The following PANK2 variants were observed in gnomAD, a reference collection of about 807,000 sequenced individuals.
PANK2 encodes pantothenate kinase 2, mitochondrial.
Under a neutral mutation model 43.1 loss-of-function variants are expected in PANK2, and 36 were observed. That is an observed-to-expected ratio of 0.84 (90% CI 0.64 to 1.10). The LOEUF (loss-of-function observed/expected upper bound fraction) is 1.10, where lower values mean the gene tolerates loss of function less well. PANK2 is among the 50% of genes least tolerant of loss of function. The pLI is 0.00. For synonymous variants in PANK2, 281 were observed against 238.2 expected, an observed-to-expected ratio of 1.18 and a Z score of -1.66; for missense variants, 576 against 593.3, an observed-to-expected ratio of 0.97 and a Z score of 0.30.
At chr20:3,888,952 A>ATCC, upstream of PANK2, 1 of 558,472 alleles carries the variant, frequency 1.8e-6, no homozygotes, top group Non-Finnish European at 3.0e-6. Context: ...CAGCGGCCAG[A>ATCC]CGCTGCGGGA....
rs562333288 is a variant in PANK2 at position 3,901,688 on chromosome 20, G to A, written c.299-6238G>A. 257 of 825,018 alleles carry A rather than the reference G, an allele frequency of 3.1e-4. 6 individuals are homozygous for A. The South Asian group carries it at 0.012, about 37-fold the overall frequency. 51.1% of individuals were successfully genotyped at this position (825,018 alleles called of 1,614,324 possible). A position where few individuals can be genotyped will look rare whatever the true frequency, so the allele number is the denominator to read the frequency against. Reference sequence around the variant, plus strand: ...CTTTTGTTTATTTCTTAAAGCTCTTGGATTAAAAAAAAGTTTCTTAAAGCT... The same window carrying A: ...CTTTTGTTTATTTCTTAAAGCTCTTAGATTAAAAAAAAGTTTCTTAAAGCT... On this transcript the variant is annotated intron_variant, in intron 1 of 6. Coordinates refer to ENST00000610179, the MANE Select transcript of PANK2 (RefSeq NM_001386393.1).
chr20:3,899,377 G>A (rs149465560), intron 1 of PANK2, among the ~76,000 whole-genome samples: 194 of 151,084 alleles, frequency 1.3e-3, no homozygotes, highest in African/African-American at 4.5e-3. Context: ...CACCATGTTA[G>A]TCAGGCTGGT....
chr20:3,899,173 C>T (rs1002687158), intron 1 of PANK2, among the ~76,000 whole-genome samples: 11 of 145,044 alleles, frequency 7.6e-5, no homozygotes, highest in South Asian at 4.4e-4. Context: ...CGTGCCCAGC[C>T]GGGTTTTTTT....
At chr20:3,891,800 AATT>A (rs2090127300) in intron 1 of PANK2, among the ~76,000 whole-genome samples, 1 of 152,150 alleles carries the variant, frequency 6.6e-6, no homozygotes, top group South Asian at 2.1e-4. Context: ...GGGTGGGGAG[AATT>A]ATATTAAGGT....
intron 4 of PANK2, among the ~76,000 whole-genome samples, chr20:3,913,788 A>ATT (rs1197283181): frequency 4.5e-4 from 60 of 132,826 alleles, no homozygotes; most frequent in East Asian, 3.1e-3. Context: ...ATATATATAT[A>ATT]TATTTTTTTT....
chr20:3,915,910 T>C (rs2090552995), intron 4 of PANK2, among the ~76,000 whole-genome samples: 1 of 152,216 alleles, frequency 6.6e-6, no homozygotes, highest in Non-Finnish European at 1.5e-5. Context: ...TAAGAAAGTG[T>C]GAGTCATCCA....
rs534040675 is a variant in PANK2 at position 3,889,390 on chromosome 20, C to G, written c.-41C>G. 1.3e-6 allele frequency: 2 copies of G among 1,574,188 alleles called. No individual in the cohort carries two copies. Among genetic ancestry groups the G allele is most frequent in the Non-Finnish European group, 1.7e-6 (2 of 1,161,970 alleles). Reference sequence around the variant, plus strand: ...GGCCGGCCGAGGGCGCGCCTCTGCTCTGGCTGGACTGCCGCGGAGGAGGCG... The same window carrying G: ...GGCCGGCCGAGGGCGCGCCTCTGCTGTGGCTGGACTGCCGCGGAGGAGGCG... On this transcript the variant is annotated 5_prime_UTR_variant, in exon 1 of 7. Transcript: ENST00000610179.
At chr20:3,895,157 C>T (rs557951906) in intron 1 of PANK2, among the ~76,000 whole-genome samples, 1 of 152,024 alleles carries the variant, frequency 6.6e-6, no homozygotes, top group Non-Finnish European at 1.5e-5. Context: ...ACCTGTAATC[C>T]CAGCTACTCA....
intron 3 of PANK2, among the ~76,000 whole-genome samples, 183 bp from the exon 4 acceptor site, chr20:3,912,275 C>A (rs976475870): frequency 6.6e-6 from 1 of 152,164 alleles, no homozygotes; most frequent in Non-Finnish European, 1.5e-5. Flanking sequence ...TGTTGGCTCA[C>A]ATGCATATGT....
chr20:3,921,451 A>G (rs2090645885), intron 6 of PANK2: 1 of 152,108 alleles, frequency 6.6e-6, no homozygotes, highest in African/African-American at 2.4e-5. Flanking sequence ...CTGTCTTGAT[A>G]GTAGCATCCT....
intron 1 of PANK2, among the ~76,000 whole-genome samples, chr20:3,894,028 T>C (rs894208801): frequency 6.7e-6 from 1 of 148,854 alleles, no homozygotes; most frequent in Non-Finnish European, 1.5e-5. Flanking sequence ...GCTTCCTGGG[T>C]TCAAGCAATT....
intron 1 of PANK2, among the ~76,000 whole-genome samples, chr20:3,906,007 T>C (rs2090381215): frequency 6.6e-6 from 1 of 151,938 alleles, no homozygotes; most frequent in African/African-American, 2.4e-5. Flanking sequence ...TGAGCCACCG[T>C]GCCCGGCCTA....
rs776588010 is a variant in PANK2 at position 3,889,429 on chromosome 20, C to T, written c.-2C>T. 8.9e-6 allele frequency: 14 copies of T among 1,564,510 alleles called. No individual in the cohort carries two copies. Among genetic ancestry groups the T allele is most frequent in the Admixed American group, 1.9e-5 (1 of 53,984 alleles). ...GCGGAGGAGGCGAGAAGGAATCCGA[C>T]GCTGGGGGGCTTGCTCGGGCGGCAG... On this transcript the variant is annotated 5_prime_UTR_variant, in exon 1 of 7. In the 5' UTR this introduces an upstream ATG that the reference lacks. Transcript: ENST00000610179.
In PANK2 at chr20:3,889,748, C is replaced by T. The variant is rs1419008552; in HGVS notation, c.298+20C>T. Reference sequence around the variant, plus strand: ...GGCCGCGTAAGTGTTCCGTGGGGCGCCCTCCCGGCCCGCCCTGCCCCCCCT... The same window carrying T: ...GGCCGCGTAAGTGTTCCGTGGGGCGTCCTCCCGGCCCGCCCTGCCCCCCCT... On this transcript the variant is annotated intron_variant, in intron 1 of 6. Coordinates refer to ENST00000610179, the MANE Select transcript of PANK2 (RefSeq NM_001386393.1). 7 of 1,591,172 alleles carry T rather than the reference C, an allele frequency of 4.4e-6. No homozygotes were observed. The highest frequency in any genetic ancestry group is 2.7e-5 in the African/African-American group (2 of 74,710).
intron 1 of PANK2, chr20:3,901,700 A>AT: frequency 1.0e-5 from 7 of 694,814 alleles, no homozygotes; most frequent in Non-Finnish European, 1.1e-5. Context: ...ATTAAAAAAA[A>AT]GTTTCTTAAA....
intron 4 of PANK2, among the ~76,000 whole-genome samples, chr20:3,914,937 C>T (rs1324013293): frequency 6.6e-6 from 1 of 152,146 alleles, no homozygotes; most frequent in Non-Finnish European, 1.5e-5. Context: ...GTTTACTGGC[C>T]ATCTGTCTGT....
upstream of PANK2, chr20:3,888,957 G>GTAGATCT: frequency 1.7e-4 from 101 of 581,804 alleles, no homozygotes; most frequent in South Asian, 7.4e-4. Flanking sequence ...GCCAGACGCT[G>GTAGATCT]CGGGAGCACT....
In PANK2 at chr20:3,899,373, G is replaced by A. The variant is rs112689843; in HGVS notation, c.299-8553G>A. Among the ~76,000 whole-genome samples the A allele has an allele frequency of 4.0e-3, 598 of 150,916 alleles. 6 individuals carry two copies. Among genetic ancestry groups the A allele is most frequent in the African/African-American group, 0.014 (572 of 41,084 alleles). ...TTTATTGGAGACGGGGCTTCACCAT[G>A]TTAGTCAGGCTGGTCTCGAACTCCT... On this transcript the variant is annotated intron_variant, in intron 1 of 6. Coordinates refer to ENST00000610179, the MANE Select transcript of PANK2 (RefSeq NM_001386393.1).
At chr20:3,901,205 C>T (rs954276692) in intron 1 of PANK2, among the ~76,000 whole-genome samples, 1 of 150,678 alleles carries the variant, frequency 6.6e-6, no homozygotes, top group African/African-American at 2.4e-5. Context: ...TACAGGTGCA[C>T]GTGATCATAC....
Sources: allele counts gnomAD v4.1 joint callset (sites outside exome capture counted in the v4.1 genomes callset), GRCh38; gene constraint gnomAD v4.1.1; transcripts MANE v1.5; gene names NCBI Gene and HGNC (gene_info 2026-07-23, HGNC 2026-07-21).